SNX29: variants seen among roughly 807,000 people sequenced by gnomAD.
SNX29 encodes the protein sorting nexin-29.
Under a neutral mutation model 102.1 loss-of-function variants are expected in SNX29, and 78 were observed. The observed-to-expected ratio is 0.76, with a 90% CI of 0.64 to 0.92. The LOEUF (loss-of-function observed/expected upper bound fraction) is 0.92, where lower values mean the gene tolerates loss of function less well. Ranked by LOEUF, SNX29 falls within the 40% of genes least tolerant of loss-of-function variation. The pLI is 0.00. For synonymous variants in SNX29, 580 were observed against 414.5 expected (o/e 1.40, Z -4.85); for missense variants, 1,280 against 1,061.7 (o/e 1.21, Z -2.86).
intron 20 of SNX29, among the ~76,000 whole-genome samples, chr16:12,567,959 C>G (rs747065440): frequency 2.0e-4 from 30 of 152,140 alleles, no homozygotes; most frequent in Non-Finnish European, 4.3e-4. Flanking sequence ...GATCAGTGTC[C>G]CCCTCTTGGT....
At chr16:12,159,339 A>G (rs1020284518) in intron 13 of SNX29, among the ~76,000 whole-genome samples, 2 of 152,322 alleles carry the variant, frequency 1.3e-5, no homozygotes, top group South Asian at 2.1e-4. Context: ...GCTGCTTCTC[A>G]AGAACTAATT....
chr16:12,114,273 T>C lies in SNX29; in HGVS notation c.1403-12360T>C, dbSNP rs191624097. Among the ~76,000 whole-genome samples the C allele has an allele frequency of 4.8e-3, 726 of 152,330 alleles. 1 individual carries two copies. The highest frequency in any genetic ancestry group is 0.01 in the Middle Eastern group (3 of 294). On this transcript the variant is annotated intron_variant, in intron 11 of 20. Coordinates refer to ENST00000566228, the MANE Select transcript of SNX29 (RefSeq NM_032167.5). ...AGGTACAGCTGCAAGTAGGCGTCCC[T>C]GGATCCCAGGGTTGGATGGTTTTCA...
chr16:12,154,338 G>A (rs994069095), intron 13 of SNX29, among the ~76,000 whole-genome samples: 2 of 144,464 alleles, frequency 1.4e-5, no homozygotes, highest in South Asian at 4.4e-4. Flanking sequence ...GCTGTCCCCC[G>A]TTCTGAGACC....
chr16:12,022,287 G>A (rs1048300112), intron 3 of SNX29, among the ~76,000 whole-genome samples: 3 of 150,910 alleles, frequency 2.0e-5, no homozygotes, highest in African/African-American at 4.9e-5. Flanking sequence ...TGCGACCTCC[G>A]CCTCCCGGGT....
intron 14 of SNX29, 56 bp downstream of exon 14, chr16:12,199,739 G>T (rs1230731090): frequency 5.6e-6 from 8 of 1,437,140 alleles, no homozygotes; most frequent in Non-Finnish European, 5.8e-6. Flanking sequence ...ATTAACACCT[G>T]TACGTGGCAC....
chr16:12,144,460 G>A (rs1187112966), intron 13 of SNX29, among the ~76,000 whole-genome samples: 3 of 152,192 alleles, frequency 2.0e-5, no homozygotes, highest in Non-Finnish European at 4.4e-5. Flanking sequence ...CACCTGAGAG[G>A]TGATTAGACC....
chr16:12,248,267 A>G (rs2078317911), intron 14 of SNX29, among the ~76,000 whole-genome samples: 1 of 151,954 alleles, frequency 6.6e-6, no homozygotes. Context: ...TCCCTCAGAC[A>G]TGCCCAATCG....
chr16:12,286,339 C>A (rs2079595339), intron 15 of SNX29, among the ~76,000 whole-genome samples: 1 of 149,758 alleles, frequency 6.7e-6, no homozygotes. Context: ...GCTAAACCTC[C>A]AAGGATTTTT....
chr16:12,057,488 T>C (rs1436176736), intron 8 of SNX29, among the ~76,000 whole-genome samples: 1 of 152,066 alleles, frequency 6.6e-6, no homozygotes, highest in East Asian at 1.9e-4. Context: ...GGAAAGCAGT[T>C]TGACAAACTG....
chr16:12,204,550 C>G (rs1010102599), intron 14 of SNX29, among the ~76,000 whole-genome samples: 2 of 152,144 alleles, frequency 1.3e-5, no homozygotes, highest in African/African-American at 4.8e-5. Context: ...CTCGGCATCC[C>G]CATTTAATTA....
At chr16:12,338,451 C>A (rs1156916238) in intron 15 of SNX29, among the ~76,000 whole-genome samples, 5 of 152,194 alleles carry the variant, frequency 3.3e-5, no homozygotes. Context: ...GAAGCTCATC[C>A]CCTCTTAGGT....
intron 18 of SNX29, among the ~76,000 whole-genome samples, chr16:12,417,445 G>C (rs2084682413): frequency 6.6e-6 from 1 of 152,170 alleles, no homozygotes; most frequent in Non-Finnish European, 1.5e-5. Context: ...GCACATCAGG[G>C]AGGGAGATGA....
chr16:12,228,588 A>G (rs1237595230), intron 14 of SNX29, among the ~76,000 whole-genome samples: 1 of 152,260 alleles, frequency 6.6e-6, no homozygotes, highest in Non-Finnish European at 1.5e-5. Flanking sequence ...TGCAATTAAA[A>G]TGAAATCCAG....
Position 12,125,533 on chromosome 16 carries a change from C to G in SNX29, c.1403-1100C>G. On this transcript the variant is annotated intron_variant, in intron 11 of 20. Coordinates refer to ENST00000566228, the MANE Select transcript of SNX29 (RefSeq NM_032167.5). The stretch of plus-strand genomic sequence containing the variant: ...GTGGATCGGGTCGGCATCCATCGTC[C>G]TCTGTTTCTCACAGGTGGTTGCTAT... Among the ~76,000 whole-genome samples the G allele has an allele frequency of 1.3e-5, 2 of 150,348 alleles. 1 individual carries two copies. Among genetic ancestry groups the G allele is most frequent in the Middle Eastern group, 6.9e-3 (2 of 290 alleles).
intron 20 of SNX29, among the ~76,000 whole-genome samples, chr16:12,537,063 G>C (rs1355290034): frequency 6.6e-6 from 1 of 152,182 alleles, no homozygotes; most frequent in Non-Finnish European, 1.5e-5. Flanking sequence ...ATATTTAGGA[G>C]ACGATGTAGA....
rs1383014736 is a variant in SNX29, at chr16:12,048,391, T to C, written c.519T>C (p.Phe173=). The part of the protein sequence containing the change: ...TMAAGLNSIL[F]AINIDNKDLN... The stretch of plus-strand genomic sequence containing the variant: ...GGGCAGGTCTGAACTCCATACTCTT[T>C]GCGATTAACATCGACAACAAGGATT... The change falls in exon 7 of 21, where the codon TTT becomes TTC. Residue 173 remains phenylalanine, a synonymous_variant. Coordinates refer to ENST00000566228, the MANE Select transcript of SNX29 (RefSeq NM_032167.5). 2.5e-6 allele frequency: 4 copies of C among 1,613,932 alleles called. No homozygotes were observed. Among genetic ancestry groups the C allele is most frequent in the Non-Finnish European group, 3.4e-6 (4 of 1,179,858 alleles).
intron 19 of SNX29, among the ~76,000 whole-genome samples, chr16:12,495,452 C>T (rs946777159): frequency 1.3e-5 from 2 of 152,188 alleles, no homozygotes; most frequent in African/African-American, 4.8e-5. Flanking sequence ...CTGGCGTCAT[C>T]TGGAATTCTG....
At chr16:12,521,382 T>A (rs1000190351) in intron 19 of SNX29, among the ~76,000 whole-genome samples, 2 of 151,668 alleles carry the variant, frequency 1.3e-5, no homozygotes, top group East Asian at 1.9e-4. Flanking sequence ...ACTTGGGATT[T>A]CTCCAGGGGC....
chr16:12,097,542 A>ATTTT (rs34337910), intron 11 of SNX29, among the ~76,000 whole-genome samples: 1 of 149,088 alleles, frequency 6.7e-6, no homozygotes, highest in South Asian at 2.1e-4. Context: ...GCCACACATG[A>ATTTT]TTTTTTTTTT....
Sources: allele counts gnomAD v4.1 joint callset (sites outside exome capture counted in the v4.1 genomes callset), GRCh38; gene constraint gnomAD v4.1.1; transcripts MANE v1.5; gene names NCBI Gene and HGNC (gene_info 2026-07-23, HGNC 2026-07-21).